The following ZCCHC14 variants were observed in gnomAD, a reference collection of about 807,000 sequenced individuals.
The protein encoded by ZCCHC14 is zinc finger CCHC domain-containing protein 14.
A neutral mutation model predicts 85.0 loss-of-function variants in ZCCHC14; 16 were observed. The observed-to-expected ratio is 0.19, with a 90% CI of 0.13 to 0.29. ZCCHC14 has a LOEUF of 0.29. Among genes scored for constraint, ZCCHC14 ranks in the 10% least tolerant of loss-of-function variants. ZCCHC14 has a pLI of 1.00. For missense variants in ZCCHC14, 1,303 were observed against 1,443.5 expected (o/e 0.90, Z 1.58); for synonymous variants, 775 against 630.7 (o/e 1.23, Z -3.43).
At chr16:87,469,244 A>G (rs149240188) in intron 1 of ZCCHC14, among the ~76,000 whole-genome samples, 3 of 152,312 alleles carry the variant, frequency 2.0e-5, no homozygotes, top group Non-Finnish European at 2.9e-5. Flanking sequence ...CTTCCCAAGT[A>G]TCCATTATGC....
chr16:87,491,520 C>T lies in ZCCHC14; in HGVS notation c.570+149G>A. 1 of 611,108 alleles carries T rather than the reference C, an allele frequency of 1.6e-6. No individual in the cohort carries two copies. Among genetic ancestry groups the T allele is most frequent in the Non-Finnish European group, 2.5e-6 (1 of 407,692 alleles). The allele number at this position is 611,108 out of a possible 1,614,324, so 37.9% of individuals were successfully genotyped here. ...TGGGGCTTGGGATACGGGCTGGGGGCTCGTGGTGCAGGTTGGAGACCTGGG... is the reference window on the plus strand; with the variant it reads ...TGGGGCTTGGGATACGGGCTGGGGGTTCGTGGTGCAGGTTGGAGACCTGGG... On this transcript the variant is annotated intron_variant, in intron 1 of 12. Transcript: ENST00000671377. The surrounding 1 kb of genome is among the most constrained non-coding windows in gnomAD (Gnocchi z 5.9).
At chr16:87,484,482 G>C (rs1368854945) in intron 1 of ZCCHC14, among the ~76,000 whole-genome samples, 2 of 152,242 alleles carry the variant, frequency 1.3e-5, no homozygotes, top group African/African-American at 4.8e-5. Flanking sequence ...CAGCAGGAGT[G>C]ACTTCACGAA....
intron 1 of ZCCHC14, among the ~76,000 whole-genome samples, chr16:87,487,615 G>A (rs975149638): frequency 3.3e-5 from 5 of 152,276 alleles, no homozygotes; most frequent in South Asian, 4.1e-4. Context: ...GCACCGACAC[G>A]TGCGCCAGCG....
rs772085247 is a variant in ZCCHC14 at position 87,417,419 on chromosome 16, A to C, written c.1383+41T>G. The stretch of plus-strand genomic sequence containing the variant: ...GCCCCCAGGGAGGTCTTGAGTAAAC[A>C]ATCTAGCAATTCTGTACGGCCAGCC... On this transcript the variant is annotated intron_variant, in intron 8 of 12. Transcript: ENST00000671377. 12 of 1,598,856 alleles carry C rather than the reference A, an allele frequency of 7.5e-6. No homozygotes were observed. In the South Asian group the frequency reaches 1.3e-4, roughly 18 times the overall value.
rs748710337 is a variant in ZCCHC14, at chr16:87,412,092, C to T, written c.2629G>A (p.Glu877Lys). Residue 877 changes from glutamate to lysine, a missense_variant, in exon 12 of 13, where the codon GAA becomes AAA. Transcript: ENST00000671377. The part of the protein sequence containing the change: ...SSSPALSSVP[E>K]SSFYSSSGGG... ...CCACTGCTGCTATAGAAACTGCTTT[C>T]AGGGACGGAGGACAGCGCCGGGCTG... 6.2e-7 allele frequency: 1 copy of T among 1,613,018 alleles called. No homozygotes were observed. The highest frequency in any genetic ancestry group is 2.2e-5 in the East Asian group (1 of 44,880).
intron 2 of ZCCHC14, among the ~76,000 whole-genome samples, chr16:87,445,696 C>T (rs993871465): frequency 6.6e-6 from 1 of 152,260 alleles, no homozygotes; most frequent in South Asian, 2.1e-4. Flanking sequence ...TGTGATGACG[C>T]GCCGACCTGA....
rs570019221 is a variant in ZCCHC14 at position 87,456,218 on chromosome 16, G to C, written c.694+3790C>G. On this transcript the variant is annotated intron_variant, in intron 2 of 12. Coordinates refer to ENST00000671377, the MANE Select transcript of ZCCHC14 (RefSeq NM_015144.3). ...CCAGCACAACCCAGGAAAGGCCACAGACTGTGGGCATTTTAGAATTTAGAT... is the reference window on the plus strand; with the variant it reads ...CCAGCACAACCCAGGAAAGGCCACACACTGTGGGCATTTTAGAATTTAGAT... 3.3e-5 allele frequency among the ~76,000 whole-genome samples: 5 copies of C among 152,308 alleles called. No individual in the cohort carries two copies. In the East Asian group the frequency reaches 9.6e-4, roughly 29 times the overall value.
At position 87,420,284 on chromosome 16, in the gene ZCCHC14, G is replaced by A. The variant is rs530457878; in HGVS notation, c.950+323C>T. ...GGTCCAGAGAAACTGTTTAAGAGACGCCAATTTTATCTGGGAATAGTCTCA... is the reference window on the plus strand; with the variant it reads ...GGTCCAGAGAAACTGTTTAAGAGACACCAATTTTATCTGGGAATAGTCTCA... On this transcript the variant is annotated intron_variant, in intron 5 of 12. Coordinates refer to ENST00000671377, the MANE Select transcript of ZCCHC14 (RefSeq NM_015144.3). The surrounding 1 kb of genome is among the most constrained non-coding windows in gnomAD (Gnocchi z 5.0). Among the ~76,000 whole-genome samples, 3 of 152,308 alleles carry A rather than the reference G, an allele frequency of 2.0e-5. No individual in the cohort carries two copies. Among genetic ancestry groups the A allele is most frequent in the South Asian group, 2.1e-4 (1 of 4,830 alleles).
Position 87,423,673 on chromosome 16 carries a change from G to A in ZCCHC14, c.840+137C>T, listed in dbSNP as rs777722098. 6.6e-6 allele frequency: 6 copies of A among 902,802 alleles called. No individual in the cohort carries two copies. In the African/African-American group the frequency reaches 8.3e-5, roughly 13 times the overall value. 55.9% of individuals were successfully genotyped at this position (902,802 alleles called of 1,614,324 possible). ...AGCAGCGGGCCTGGGACTCCACTGT[G>A]GCTGGGCAGGAGGCCCCGCCCTGCG... On this transcript the variant is annotated intron_variant, in intron 4 of 12. Coordinates refer to ENST00000671377, the MANE Select transcript of ZCCHC14 (RefSeq NM_015144.3).
intron 8 of ZCCHC14, among the ~76,000 whole-genome samples, chr16:87,416,794 G>A (rs958451142): frequency 2.6e-5 from 4 of 152,000 alleles, no homozygotes; most frequent in African/African-American, 7.3e-5. Context: ...CCTAAACAAA[G>A]GGTATTACAA....
chr16:87,436,806 T>C (rs184838135), intron 2 of ZCCHC14, among the ~76,000 whole-genome samples: 4 of 152,316 alleles, frequency 2.6e-5, no homozygotes, highest in Admixed American at 2.0e-4. Context: ...TTGTTTAAAA[T>C]GGAAATGAAA....
rs1211025642 is a variant in ZCCHC14 at position 87,411,610 on chromosome 16, G to C, written c.3111C>G (p.His1037Gln). Residue 1037 changes from histidine (H) to glutamine (Q), a missense_variant, in exon 12 of 13, where the codon CAC becomes CAG. Coordinates refer to ENST00000671377, the MANE Select transcript of ZCCHC14 (RefSeq NM_015144.3). ...AACAAGATAGGTTCCCGCTCTTTTT[G>C]TGACTGGAACCATTGCTACTGCCCA... ...GLVGSSNGSS[H>Q]KKSGNLSCYN... is the part of the protein sequence containing the mutation. 1 of 1,613,784 alleles carries C rather than the reference G, an allele frequency of 6.2e-7. No individual in the cohort carries two copies. The highest frequency in any genetic ancestry group is 8.5e-7 in the Non-Finnish European group (1 of 1,180,022).
intron 12 of ZCCHC14, 27 bp from the exon 13 acceptor site, chr16:87,410,362 A>G (rs199625666): frequency 2.6e-6 from 2 of 769,374 alleles, no homozygotes; most frequent in Admixed American, 1.8e-5. Flanking sequence ...AAAGAGGTCA[A>G]ATTTGAATGA....
At chr16:87,454,044 C>T (rs1367336242) in intron 2 of ZCCHC14, among the ~76,000 whole-genome samples, 1 of 151,918 alleles carries the variant, frequency 6.6e-6, no homozygotes, top group Admixed American at 6.6e-5. Context: ...CTTGGTGTAC[C>T]AGCAGACTGA....
rs527505505 is a variant in ZCCHC14, at chr16:87,437,537, C to A, written c.695-4336G>T. Among the ~76,000 whole-genome samples the A allele has an allele frequency of 2.3e-4, 35 of 152,310 alleles. No individual in the cohort carries two copies. In the South Asian group the frequency reaches 6.8e-3, roughly 30 times the overall value. On this transcript the variant is annotated intron_variant, in intron 2 of 12. Coordinates refer to ENST00000671377, the MANE Select transcript of ZCCHC14 (RefSeq NM_015144.3). ...GCCATGAGGAGGCTCTGCTGGAGCA[C>A]TGAGGCTGGTCAGCACCGCACCCAG...
chr16:87,435,891 C>T (rs567815508), intron 2 of ZCCHC14, among the ~76,000 whole-genome samples: 4 of 152,282 alleles, frequency 2.6e-5, no homozygotes, highest in African/African-American at 4.8e-5. Flanking sequence ...TGGAACTACA[C>T]GCTGTTCCTG....
intron 1 of ZCCHC14, among the ~76,000 whole-genome samples, chr16:87,488,523 A>G (rs9931855): frequency 0.35 from 52,950 of 152,190 alleles, 13,461 homozygotes; most frequent in African/African-American, 0.69. Context: ...AAAACACAGG[A>G]TTTGGACAAG....
At chr16:87,439,866 C>T (rs1343601535) in intron 2 of ZCCHC14, among the ~76,000 whole-genome samples, 6 of 152,222 alleles carry the variant, frequency 3.9e-5, no homozygotes, top group African/African-American at 9.6e-5. Context: ...ACAATCAGCA[C>T]AATAGTTGTT....
chr16:87,475,770 C>T (rs574085308), intron 1 of ZCCHC14, among the ~76,000 whole-genome samples: 1 of 152,266 alleles, frequency 6.6e-6, no homozygotes, highest in South Asian at 2.1e-4. Flanking sequence ...GACAATATCA[C>T]ACAGTTTAAC....
Sources: gnomAD v4.1 joint callset for allele counts (sites outside exome capture counted in the v4.1 genomes callset) on GRCh38, gnomAD v4.1.1 for gene constraint, Gnocchi (gnomAD v3.1) non-coding constraint, MANE v1.5 for transcripts, NCBI Gene and HGNC (gene_info 2026-07-23, HGNC 2026-07-21) for gene names.